The following AKAP13 variants were observed in gnomAD, a reference collection of about 807,000 sequenced individuals.
AKAP13 encodes the protein A-kinase anchoring protein 13, also known as A-kinase anchor protein 13.
Under a neutral mutation model 264.5 loss-of-function variants are expected in AKAP13, and 80 were observed. The ratio of observed to expected loss-of-function variants is 0.30; its 90% CI spans 0.25 to 0.36. The LOEUF (loss-of-function observed/expected upper bound fraction) is 0.36, where lower values mean the gene tolerates loss of function less well. AKAP13 is among the 10% of genes least tolerant of loss of function. The pLI, the probability that AKAP13 is intolerant of heterozygous loss-of-function variation, is 1.00. For missense variants in AKAP13, 3,712 were observed against 3,435.2 expected (o/e 1.08, Z -2.01); for synonymous variants, 1,380 against 1,250.2 (o/e 1.10, Z -2.19).
chr15:85,443,772 AGTGTGTGTGT>A (rs34514718), intron 1 of AKAP13, among the ~76,000 whole-genome samples: 2 of 145,970 alleles, frequency 1.4e-5, no homozygotes, highest in African/African-American at 2.5e-5. Context: ...AAAAAAAAAA[AGTGTGTGTGT>A]GTGTGTGTGT....
rs55928032 is a variant in AKAP13 at position 85,631,502 on chromosome 15, TCACACACACACACACACACACA to T, written c.4162-7842_4162-7821del. The stretch of plus-strand genomic sequence containing the variant: ...CACACTTTCTCTCTCTCTCTCTCTC[TCACACACACACACACACACACA>T]CACACACACACACACACACACACAC... On this transcript the variant is annotated intron_variant, in intron 8 of 36. Transcript: ENST00000394518. 7.9e-4 allele frequency among the ~76,000 whole-genome samples: 111 copies of T among 141,030 alleles called. 1 individual carries two copies. In the Middle Eastern group the frequency reaches 0.011, roughly 14 times the overall value. 92.5% of individuals were successfully genotyped at this position (141,030 alleles called of 152,430 possible). A position where few individuals can be genotyped will look rare whatever the true frequency, so the allele number is the denominator to read the frequency against.
intron 1 of AKAP13, among the ~76,000 whole-genome samples, chr15:85,401,642 AAG>A (rs2071424755): frequency 6.6e-6 from 1 of 152,212 alleles, no homozygotes. Flanking sequence ...GGTTGTAAAA[AAG>A]AGAGTAATAA....
intron 5 of AKAP13, among the ~76,000 whole-genome samples, chr15:85,551,238 C>G (rs956138233): frequency 2.0e-5 from 3 of 152,170 alleles, no homozygotes; most frequent in African/African-American, 7.2e-5. Context: ...AACCATTTAA[C>G]TAGTAATCTC....
chr15:85,604,076 CTAGT>C (rs1284042485), intron 8 of AKAP13, among the ~76,000 whole-genome samples: 4 of 152,180 alleles, frequency 2.6e-5, no homozygotes, highest in African/African-American at 7.2e-5. Context: ...AGGTTGATAT[CTAGT>C]TAGTTGACAG....
At chr15:85,682,251 TGAA>T (rs1405415715) in intron 15 of AKAP13, 39 bp downstream of exon 15, 2 of 1,593,458 alleles carry the variant, frequency 1.3e-6, no homozygotes, top group Non-Finnish European at 1.7e-6. Flanking sequence ...AGAAATAAAA[TGAA>T]GAAAATTTAA....
chr15:85,734,175 T>C (rs2088266134), intron 30 of AKAP13, among the ~76,000 whole-genome samples: 1 of 152,210 alleles, frequency 6.6e-6, no homozygotes, highest in African/African-American at 2.4e-5. Context: ...ACCTATTTTA[T>C]GGACATGTCT....
chr15:85,520,932 C>T lies in AKAP13; in HGVS notation c.34-496C>T, dbSNP rs748529494. ...TGCACTCTACCCTTTCCAGGCAAGC[C>T]TGTTGCTGGAGAATGTATGGACTTG... On this transcript the variant is annotated intron_variant, in intron 2 of 36. Coordinates refer to ENST00000394518, the MANE Select transcript of AKAP13 (RefSeq NM_007200.5). 2.5e-4 allele frequency among the ~76,000 whole-genome samples: 38 copies of T among 152,360 alleles called. No individual in the cohort carries two copies. In the Middle Eastern group the frequency reaches 0.014, roughly 55 times the overall value.
intron 2 of AKAP13, among the ~76,000 whole-genome samples, chr15:85,491,837 A>G (rs2075738494): frequency 6.6e-6 from 1 of 152,150 alleles, no homozygotes; most frequent in South Asian, 2.1e-4. Flanking sequence ...TCATGTTTGC[A>G]TAGTACCTCA....
At chr15:85,643,976 G>A (rs1302750089) in intron 9 of AKAP13, among the ~76,000 whole-genome samples, 1 of 152,162 alleles carries the variant, frequency 6.6e-6, no homozygotes, top group Admixed American at 6.5e-5. Context: ...TTGGATGCCC[G>A]TGTACTATTT....
At chr15:85,634,064 C>G (rs536071986) in intron 8 of AKAP13, among the ~76,000 whole-genome samples, 4 of 152,234 alleles carry the variant, frequency 2.6e-5, no homozygotes, top group Non-Finnish European at 4.4e-5. Context: ...TGTAACACAC[C>G]AGGAACTGAA....
intron 8 of AKAP13, among the ~76,000 whole-genome samples, chr15:85,613,414 G>A (rs996040943): frequency 6.6e-6 from 1 of 152,098 alleles, no homozygotes; most frequent in Non-Finnish European, 1.5e-5. Context: ...GGGTGCGGTG[G>A]CTCACGCCTG....
At chr15:85,384,572 C>A (rs1167735842) in intron 1 of AKAP13, among the ~76,000 whole-genome samples, 2 of 152,062 alleles carry the variant, frequency 1.3e-5, no homozygotes, top group African/African-American at 4.8e-5. Flanking sequence ...CAAAAACTAG[C>A]CCGGCAGGGT....
Position 85,723,311 on chromosome 15 carries a change from A to C in AKAP13, c.6736A>C (p.Arg2246=). The C allele has an allele frequency of 6.2e-7, 1 of 1,614,064 alleles. No individual in the cohort carries two copies. The highest frequency in any genetic ancestry group is 8.5e-7 in the Non-Finnish European group (1 of 1,179,924). ...TGTGTTTCTGAAGAATGCAGCAGGA[A>C]GGTTGAAAGGTAAGGCTTGGCTCTT... The part of the protein sequence containing the change: ...GSVFLKNAAG[R]LKEVQAVLLT... The change falls in exon 26 of 37, where the codon AGG becomes CGG. Residue 2246 remains arginine (R), a synonymous_variant. Transcript: ENST00000394518.
chr15:85,518,444 A>G (rs185707629), intron 2 of AKAP13, among the ~76,000 whole-genome samples: 1 of 152,354 alleles, frequency 6.6e-6, no homozygotes, highest in East Asian at 1.9e-4. Flanking sequence ...AGAGGCTTTG[A>G]AATGAATGGA....
chr15:85,553,143 A>G (rs774776913), intron 5 of AKAP13, among the ~76,000 whole-genome samples: 2 of 138,068 alleles, frequency 1.4e-5, no homozygotes, highest in Non-Finnish European at 1.5e-5. Flanking sequence ...TTGGAGTGCA[A>G]TGGCGCGATC....
intron 8 of AKAP13, among the ~76,000 whole-genome samples, chr15:85,605,422 T>C (rs11631449): frequency 0.2 from 30,876 of 152,020 alleles, 4,157 homozygotes; most frequent in Middle Eastern, 0.4. Context: ...AGCTGAACAA[T>C]GAGAACATGT....
chr15:85,580,429 G>A lies in AKAP13; in HGVS notation c.2361G>A (p.Leu787=), dbSNP rs770603623. 6.2e-7 allele frequency: 1 copy of A among 1,614,192 alleles called. No homozygotes were observed. Among genetic ancestry groups the A allele is most frequent in the South Asian group, 1.1e-5 (1 of 91,080 alleles). Residue 787 remains leucine (L), a synonymous_variant, in exon 7 of 37, where the codon CTG becomes CTA. Coordinates refer to ENST00000394518, the MANE Select transcript of AKAP13 (RefSeq NM_007200.5). Reference sequence around the variant, plus strand: ...TAATATCAGACAGTACTTTCTCTCTGGCAAACAGTCCAGGCAGTGAATCAG... The same window carrying A: ...TAATATCAGACAGTACTTTCTCTCTAGCAAACAGTCCAGGCAGTGAATCAG... ...QAVISDSTFS[L]ANSPGSESVT...
At position 85,527,704 on chromosome 15, in the gene AKAP13, A is replaced by G. The variant is rs554608015; in HGVS notation, c.182-5880A>G. On this transcript the variant is annotated intron_variant, in intron 3 of 36. Transcript: ENST00000394518. The stretch of plus-strand genomic sequence containing the variant: ...ATAGAGACATTTTACACATATACCA[A>G]ATTTGCACACTACTATTAGGTCCCC... 4.6e-5 allele frequency among the ~76,000 whole-genome samples: 7 copies of G among 152,282 alleles called. No homozygotes were observed. The East Asian group carries it at 5.8e-4, about 13-fold the overall frequency.
intron 2 of AKAP13, among the ~76,000 whole-genome samples, chr15:85,497,641 G>A (rs2046341): frequency 0.21 from 32,619 of 152,144 alleles, 3,649 homozygotes; most frequent in African/African-American, 0.28. Context: ...TTAGCCACAT[G>A]TGACTGTTTA....
Sources: allele counts gnomAD v4.1 joint callset (sites outside exome capture counted in the v4.1 genomes callset), GRCh38; gene constraint gnomAD v4.1.1; transcripts MANE v1.5; gene names NCBI Gene and HGNC (gene_info 2026-07-23, HGNC 2026-07-21).